ADAMTSL1: variants seen among roughly 807,000 people sequenced by gnomAD.
ADAMTSL1 encodes the protein ADAMTS-like protein 1.
A neutral mutation model predicts 201.8 loss-of-function variants in ADAMTSL1; 126 were observed. The ratio of observed to expected loss-of-function variants is 0.62; its 90% confidence interval spans 0.54 to 0.72. The LOEUF (loss-of-function observed/expected upper bound fraction) is 0.72, where lower values mean the gene tolerates loss of function less well. ADAMTSL1 is among the 30% of genes least tolerant of loss of function. The pLI is 0.00. For missense variants in ADAMTSL1, 2,679 were observed against 2,277.8 expected (o/e 1.18, Z -3.59); for synonymous variants, 1,121 against 903.4 (o/e 1.24, Z -4.32).
At chr9:18,844,722 C>T in intron 23 of ADAMTSL1, among the ~76,000 whole-genome samples, 1 of 152,228 alleles carries the variant, frequency 6.6e-6, no homozygotes, top group Admixed American at 6.5e-5. Context: ...CTTTGTTTAC[C>T]TAAGCAAGCC....
chr9:18,261,086 G>T (rs1355960646), intron 2 of ADAMTSL1, among the ~76,000 whole-genome samples: 1 of 112,446 alleles, frequency 8.9e-6, no homozygotes, highest in Admixed American at 1.0e-4. Flanking sequence ...TGTGGGGCGG[G>T]GGGTGGGGGA....
intron 1 of ADAMTSL1, among the ~76,000 whole-genome samples, chr9:18,015,338 T>A (rs1191136692): frequency 6.6e-6 from 1 of 152,062 alleles, no homozygotes; most frequent in Non-Finnish European, 1.5e-5. Context: ...TACATAAAGA[T>A]GGTGATCTCA....
chr9:18,801,805 T>C (rs558426922), intron 20 of ADAMTSL1, among the ~76,000 whole-genome samples: 1 of 152,354 alleles, frequency 6.6e-6, no homozygotes, highest in South Asian at 2.1e-4. Context: ...TCTTTGCTAT[T>C]GTGAAGAGTG....
intron 21 of ADAMTSL1, among the ~76,000 whole-genome samples, chr9:18,818,881 T>C (rs1824026570): frequency 6.6e-6 from 1 of 152,182 alleles, no homozygotes; most frequent in Non-Finnish European, 1.5e-5. Flanking sequence ...GCCTTTGTGA[T>C]GTTTCCCTTC....
At chr9:18,504,720 C>A in intron 1 of ADAMTSL1, 109 bp from the exon 2 acceptor site, 1 of 1,482,650 alleles carries the variant, frequency 6.7e-7, no homozygotes, top group Non-Finnish European at 9.3e-7. Flanking sequence ...CGTTTTCATT[C>A]CTAGCAAAGC....
chr9:18,599,982 C>G (rs1466087298), intron 4 of ADAMTSL1, among the ~76,000 whole-genome samples: 1 of 119,020 alleles, frequency 8.4e-6, no homozygotes, highest in Non-Finnish European at 1.7e-5. Flanking sequence ...GAAACCTCGT[C>G]TCTACTAAAA....
At chr9:17,993,670 G>T (rs7850890) in intron 1 of ADAMTSL1, among the ~76,000 whole-genome samples, 7,619 of 152,174 alleles carry the variant, frequency 0.05, 257 homozygotes, top group African/African-American at 0.085. Context: ...TTATTAATGA[G>T]GCTAAGTTGG....
chr9:18,126,158 A>G (rs190311521), intron 1 of ADAMTSL1, among the ~76,000 whole-genome samples: 33 of 152,346 alleles, frequency 2.2e-4, no homozygotes, highest in Admixed American at 2.0e-3. Context: ...TAAATTCTGT[A>G]ATATACTCCA....
intron 1 of ADAMTSL1, among the ~76,000 whole-genome samples, chr9:17,977,709 G>C (rs139884424): frequency 3.6e-4 from 55 of 151,838 alleles, no homozygotes; most frequent in African/African-American, 1.2e-3. Context: ...CTACCTAAAG[G>C]TCTAACATAC....
At position 18,711,390 on chromosome 9, in the gene ADAMTSL1, C is replaced by A. The variant is rs549111639; in HGVS notation, c.1876+4342C>A. ...GTGGGCGCAGGTCAGTGGGTGAGCA[C>A]ACCGTGCGCGAGCCGAAGCAGGGCG... On this transcript the variant is annotated intron_variant, in intron 14 of 28. Transcript: ENST00000380548. 2.6e-5 allele frequency among the ~76,000 whole-genome samples: 4 copies of A among 152,332 alleles called. No homozygotes were observed. The East Asian group carries it at 7.7e-4, about 29-fold the overall frequency.
intron 2 of ADAMTSL1, among the ~76,000 whole-genome samples, chr9:18,256,739 G>C (rs112576216): frequency 0.013 from 2,011 of 152,284 alleles, 41 homozygotes; most frequent in African/African-American, 0.045. Flanking sequence ...AACCAGATGA[G>C]CCAGCGGTGT....
At chr9:18,488,709 G>A (rs1822119874) in intron 1 of ADAMTSL1, among the ~76,000 whole-genome samples, 1 of 152,128 alleles carries the variant, frequency 6.6e-6, no homozygotes, top group African/African-American at 2.4e-5. Context: ...ATAAACATCA[G>A]CAATTATTAC....
chr9:18,038,092 A>T (rs1035241959), intron 1 of ADAMTSL1, among the ~76,000 whole-genome samples: 1 of 152,190 alleles, frequency 6.6e-6, no homozygotes, highest in Non-Finnish European at 1.5e-5. Flanking sequence ...GTATCCATGG[A>T]TGTCACTGAC....
At chr9:18,503,980 A>ATGTGTGTGTGTGTGTGTGTG (rs57749719) in intron 1 of ADAMTSL1, among the ~76,000 whole-genome samples, 5 of 148,142 alleles carry the variant, frequency 3.4e-5, no homozygotes, top group African/African-American at 1.2e-4. Flanking sequence ...ATGTGCATGC[A>ATGTGTGTGTGTGTGTGTGTG]TGTGTGTGTG....
At chr9:18,218,479 A>T (rs931596336) in intron 2 of ADAMTSL1, among the ~76,000 whole-genome samples, 2 of 152,174 alleles carry the variant, frequency 1.3e-5, no homozygotes, top group African/African-American at 2.4e-5. Context: ...AACGTTACCA[A>T]ATGATGTGAA....
intron 1 of ADAMTSL1, among the ~76,000 whole-genome samples, chr9:18,476,196 A>G (rs1445920398): frequency 6.6e-6 from 1 of 152,178 alleles, no homozygotes; most frequent in Non-Finnish European, 1.5e-5. Context: ...CATTAGTAAT[A>G]GCTGTCATGT....
intron 3 of ADAMTSL1, among the ~76,000 whole-genome samples, chr9:18,543,370 G>T (rs958742321): frequency 2.6e-5 from 4 of 151,638 alleles, no homozygotes; most frequent in Admixed American, 6.6e-5. Flanking sequence ...GCTAAAATTA[G>T]ATAACAAAGG....
chr9:18,557,576 C>T (rs1821179547), intron 3 of ADAMTSL1, among the ~76,000 whole-genome samples: 1 of 151,916 alleles, frequency 6.6e-6, no homozygotes, highest in Non-Finnish European at 1.5e-5. Flanking sequence ...AGGAAATACA[C>T]CATGTTGTCA....
At chr9:18,024,868 A>G (rs1445795867) in intron 1 of ADAMTSL1, among the ~76,000 whole-genome samples, 1 of 152,080 alleles carries the variant, frequency 6.6e-6, no homozygotes. Flanking sequence ...GGGTGAACTA[A>G]TACACATTCC....
Sources: gnomAD v4.1 joint callset for allele counts (sites outside exome capture counted in the v4.1 genomes callset) on GRCh38, gnomAD v4.1.1 for gene constraint, MANE v1.5 for transcripts, NCBI Gene and HGNC (gene_info 2026-07-23, HGNC 2026-07-21) for gene names.